The following CTDSP1 variants were observed in gnomAD, a reference collection of about 807,000 sequenced individuals.
The protein encoded by CTDSP1 is carboxy-terminal domain RNA polymerase II polypeptide A small phosphatase 1.
CTDSP1 carries 15 observed loss-of-function variants against 32.5 expected under a neutral mutation model. The observed-to-expected ratio is 0.46, with a 90% confidence interval of 0.31 to 0.71. The LOEUF is 0.71. Ranked by LOEUF, CTDSP1 falls within the 30% of genes least tolerant of loss-of-function variation. CTDSP1 has a pLI of 0.05. For missense variants in CTDSP1, 294 were observed against 351.1 expected (o/e 0.84, Z 1.30); for synonymous variants, 185 against 145.4 (o/e 1.27, Z -1.96).
At chr2:218,403,793 G>C (rs1005933688) in intron 6 of CTDSP1, 3 of 198,064 alleles carry the variant, frequency 1.5e-5, no homozygotes, top group Non-Finnish European at 3.1e-5. Flanking sequence ...GGGTGCAGTG[G>C]CTCATGCCTG....
chr2:218,401,778 G>A, intron 2 of CTDSP1, 66 bp downstream of exon 2: 1 of 1,425,786 alleles, frequency 7.0e-7, no homozygotes, highest in Non-Finnish European at 9.3e-7. Context: ...TAGGGGAAGG[G>A]GCTCCTGACT....
chr2:218,402,911 C>T (rs980313634), intron 4 of CTDSP1, 124 bp from the exon 5 acceptor site: 7 of 726,130 alleles, frequency 9.6e-6, no homozygotes, highest in Admixed American at 4.2e-5. Context: ...GCTGGCCAAG[C>T]GGAGCCTGCG....
chr2:218,397,081 G>A (rs746473573), upstream of CTDSP1, among the ~76,000 whole-genome samples: 56 of 152,198 alleles, frequency 3.7e-4, no homozygotes, highest in Admixed American at 9.2e-4. Context: ...ATGGGGGCAC[G>A]TGTGTGCACA....
rs746658218 is a variant in CTDSP1, at chr2:218,402,143, C to G, written c.249C>G (p.Ala83=). 2 of 1,613,596 alleles carry G rather than the reference C, an allele frequency of 1.2e-6. No individual in the cohort carries two copies. The highest frequency in any genetic ancestry group is 1.7e-6 in the Non-Finnish European group (2 of 1,179,902). ...QTPVQYLLPE[A]KAQDSDKICV... is the part of the protein sequence containing the mutation. ...CAGTCCAATACCTGCTCCCTGAGGC[C>G]AAGGCCCAGGACTCAGACAAGATCT... The change falls in exon 3 of 7, where the codon GCC becomes GCG. Residue 83 remains alanine (A), a synonymous_variant. Transcript: ENST00000273062.
upstream of CTDSP1, chr2:218,398,497 T>G: frequency 6.9e-7 from 1 of 1,459,530 alleles, no homozygotes. Context: ...TCCCCGACAG[T>G]CCCCTCCCGC....
chr2:218,402,503 A>G (rs1262387681), intron 4 of CTDSP1, 98 bp downstream of exon 4: 4 of 1,225,532 alleles, frequency 3.3e-6, no homozygotes, highest in East Asian at 2.3e-5. Flanking sequence ...AATTGGATAC[A>G]TGTGGAATGT....
At chr2:218,401,776 G>C in intron 2 of CTDSP1, 64 bp downstream of exon 2, 1 of 1,437,280 alleles carries the variant, frequency 7.0e-7, no homozygotes, top group South Asian at 1.4e-5. Flanking sequence ...TTTAGGGGAA[G>C]GGGCTCCTGA....
chr2:218,399,919 GC>G lies in CTDSP1; in HGVS notation c.-167del. ...CATGTTGTAACAAAGTTTCCTCCGCGCCCCCTCCCTCCCCCTCCCCCCTAGA... is the reference window on the plus strand; with the variant it reads ...CATGTTGTAACAAAGTTTCCTCCGCGCCCCTCCCTCCCCCTCCCCCCTAGA... On this transcript the variant is annotated 5_prime_UTR_variant, in exon 1 of 7. Coordinates refer to ENST00000273062, the MANE Select transcript of CTDSP1 (RefSeq NM_021198.3). The G allele has an allele frequency of 8.0e-7, 1 of 1,245,416 alleles. No homozygotes were observed. Among genetic ancestry groups the G allele is most frequent in the Middle Eastern group, 3.1e-4 (1 of 3,184 alleles). 77.1% of individuals were successfully genotyped at this position (1,245,416 alleles called of 1,614,324 possible).
At chr2:218,400,409 G>T (rs1489488797) in intron 1 of CTDSP1, 5 of 466,550 alleles carry the variant, frequency 1.1e-5, no homozygotes, top group Non-Finnish European at 1.8e-5. Flanking sequence ...AATAGAGAGG[G>T]AACTCTTCGG....
At chr2:218,402,962 A>G (rs759301870) in intron 4 of CTDSP1, 73 bp from the exon 5 acceptor site, 4 of 1,147,094 alleles carry the variant, frequency 3.5e-6, no homozygotes, top group African/African-American at 1.5e-5. Flanking sequence ...TCCCTGGCCC[A>G]TGCCCTGCCA....
chr2:218,401,534 G>T (rs773638043), intron 1 of CTDSP1, 30 bp from the exon 2 acceptor site: 5 of 1,612,098 alleles, frequency 3.1e-6, no homozygotes. Flanking sequence ...AGTGTGCACC[G>T]AGCCTCCAAC....
At chr2:218,402,891 G>A in intron 4 of CTDSP1, 144 bp from the exon 5 acceptor site, 1 of 681,402 alleles carries the variant, frequency 1.5e-6, no homozygotes, top group Non-Finnish European at 2.7e-6. Context: ...CCCCAGCAGT[G>A]GTCAGGGTAG....
At position 218,400,130 on chromosome 2, in the gene CTDSP1, G is replaced by A. The variant is rs1466557845; in HGVS notation, c.40G>A (p.Glu14Lys). ...SAVITQISKE[E>K]ARGPLRGKGD... ...CGTCATTACTCAGATCAGCAAGGAGGAGGCTCGGGGCCCGCTGCGGGGCAA... is the reference window on the plus strand; with the variant it reads ...CGTCATTACTCAGATCAGCAAGGAGAAGGCTCGGGGCCCGCTGCGGGGCAA... The change falls in exon 1 of 7, where the codon GAG (glutamate) becomes AAG (lysine). Residue 14 changes from glutamate to lysine, a missense_variant. Transcript: ENST00000273062. 6 of 1,545,762 alleles carry A rather than the reference G, an allele frequency of 3.9e-6. No individual in the cohort carries two copies. Among genetic ancestry groups the A allele is most frequent in the East Asian group, 2.5e-5 (1 of 40,696 alleles).
At chr2:218,399,785 AAAGCCGCAGCCGAGTCCAGGTCACGCCG>A (rs1488783374), upstream of CTDSP1, 14 of 1,083,814 alleles carry the variant, frequency 1.3e-5, no homozygotes, top group Non-Finnish European at 1.2e-5. Context: ...AGAAGTGGCG[AAAGCCGCAGCCGAGTCCAGGTCACGCCG>A]AAGCCGTTGC....
At position 218,400,084 on chromosome 2, in the gene CTDSP1, C is replaced by T. The variant is rs1365150214; in HGVS notation, c.-7C>T. 2.0e-6 allele frequency: 3 copies of T among 1,463,476 alleles called. No homozygotes were observed. Among genetic ancestry groups the T allele is most frequent in the South Asian group, 2.7e-5 (2 of 73,826 alleles). The allele number at this position is 1,463,476 out of a possible 1,614,324, so 90.7% of individuals were successfully genotyped here. On this transcript the variant is annotated 5_prime_UTR_variant, in exon 1 of 7. Transcript: ENST00000273062. ...GAGTCCGGCCGGAGCGGAGCGCGCCCGGCCCCATGGACAGCTCGGCCGTCA... is the reference window on the plus strand; with the variant it reads ...GAGTCCGGCCGGAGCGGAGCGCGCCTGGCCCCATGGACAGCTCGGCCGTCA...
At chr2:218,400,487 G>C (rs551758413) in intron 1 of CTDSP1, 2 of 430,880 alleles carry the variant, frequency 4.6e-6, no homozygotes, top group African/African-American at 4.1e-5. Flanking sequence ...GGGGCTGGGA[G>C]ATGGGGGAGC....
upstream of CTDSP1, chr2:218,398,678 C>T (rs1358576137): frequency 5.9e-6 from 2 of 336,706 alleles, no homozygotes; most frequent in South Asian, 1.5e-4. Flanking sequence ...CAGGACGCGC[C>T]CGCCCCGCCC....
At position 218,404,539 on chromosome 2, in the gene CTDSP1, C is replaced by T; in HGVS notation, c.*114C>T. ...CATGGGCCGCCGCCACACTCAGTGC[C>T]ATGGGGAAGCGGGCGTCTCCCCCAC... On this transcript the variant is annotated 3_prime_UTR_variant, in exon 7 of 7. Coordinates refer to ENST00000273062, the MANE Select transcript of CTDSP1 (RefSeq NM_021198.3). The T allele has an allele frequency of 7.3e-7, 1 of 1,371,356 alleles. No individual in the cohort carries two copies. The highest frequency in any genetic ancestry group is 1.0e-6 in the Non-Finnish European group (1 of 1,004,484). The allele number at this position is 1,371,356 out of a possible 1,614,324, so 84.9% of individuals were successfully genotyped here. A position where few individuals can be genotyped will look rare whatever the true frequency, so the allele number is the denominator to read the frequency against.
rs1354494696 is a variant in CTDSP1 at position 218,405,880 on chromosome 2, G to C, written c.*1455G>C. On this transcript the variant is annotated 3_prime_UTR_variant, in exon 7 of 7. Coordinates refer to ENST00000273062, the MANE Select transcript of CTDSP1 (RefSeq NM_021198.3). Reference sequence around the variant, plus strand: ...TGCATCAGGTGGCCTTCCCATTTAAGTGCCTTCTCTGTGACTGAGAGCCCT... The same window carrying C: ...TGCATCAGGTGGCCTTCCCATTTAACTGCCTTCTCTGTGACTGAGAGCCCT... 6.5e-6 allele frequency: 1 copy of C among 152,990 alleles called. No homozygotes were observed. The highest frequency in any genetic ancestry group is 1.5e-5 in the Non-Finnish European group (1 of 68,180). The allele number at this position is 152,990 out of a possible 1,614,324, so 9.5% of individuals were successfully genotyped here. A position where few individuals can be genotyped will look rare whatever the true frequency, so the allele number is the denominator to read the frequency against.
Sources: gnomAD v4.1 joint callset for allele counts (sites outside exome capture counted in the v4.1 genomes callset) on GRCh38, gnomAD v4.1.1 for gene constraint, MANE v1.5 for transcripts, NCBI Gene and HGNC (gene_info 2026-07-23, HGNC 2026-07-21) for gene names.